Variants in BAIAP2 observed in about 807,000 individuals in gnomAD.
BAIAP2 encodes BAR/IMD domain containing adaptor protein 2, also known as BAR/IMD domain-containing adapter protein 2.
A neutral mutation model predicts 63.0 loss-of-function variants in BAIAP2; 18 were observed. The observed-to-expected ratio is 0.29, with a 90% CI of 0.20 to 0.42. BAIAP2 has a LOEUF of 0.42. BAIAP2 is among the 10% of genes least tolerant of loss of function. BAIAP2 has a pLI of 1.00. For missense variants in BAIAP2, 610 were observed against 734.3 expected (o/e 0.83, Z 1.96); for synonymous variants, 386 against 307.6 (o/e 1.25, Z -2.67).
chr17:81,089,161 TCTC>T (rs1301093677), intron 6 of BAIAP2, among the ~76,000 whole-genome samples: 3 of 152,238 alleles, frequency 2.0e-5, no homozygotes, highest in East Asian at 1.9e-4. Context: ...TGGAAGACCT[TCTC>T]CTTGCTGATG....
intron 1 of BAIAP2, among the ~76,000 whole-genome samples, chr17:81,045,521 G>A (rs72851899): frequency 0.022 from 3,322 of 150,342 alleles, 45 homozygotes; most frequent in Non-Finnish European, 0.029. Context: ...CCCTCCTGGC[G>A]GGAGGCCACC....
intron 1 of BAIAP2, among the ~76,000 whole-genome samples, chr17:81,044,958 C>T (rs1038477703): frequency 2.0e-5 from 3 of 152,160 alleles, no homozygotes; most frequent in African/African-American, 7.2e-5. Flanking sequence ...GGTGGCTGGA[C>T]ATTGGAAGGT....
Position 81,115,903 on chromosome 17 carries a change from G to C in BAIAP2, c.*64G>C. 1 of 1,601,586 alleles carries C rather than the reference G, an allele frequency of 6.2e-7. No individual in the cohort carries two copies. The highest frequency in any genetic ancestry group is 8.5e-7 in the Non-Finnish European group (1 of 1,174,564). ...CCGCCCTTCCCATGTAGCCTGTTCT[G>C]TCATCATCTGTGCGTTCCTGTGTAG... is the stretch of plus-strand genomic sequence containing the variant. On this transcript the variant is annotated 3_prime_UTR_variant, in exon 14 of 14. Coordinates refer to ENST00000428708, the MANE Select transcript of BAIAP2 (RefSeq NM_001144888.2).
chr17:81,107,706 G>A (rs1461226360), intron 12 of BAIAP2: 1 of 152,368 alleles, frequency 6.6e-6, no homozygotes, highest in African/African-American at 2.4e-5. Context: ...GTAGAGAGAA[G>A]AAGAGAACCC....
intron 1 of BAIAP2, among the ~76,000 whole-genome samples, chr17:81,048,506 A>G (rs1336722853): frequency 6.6e-6 from 1 of 151,312 alleles, no homozygotes; most frequent in Non-Finnish European, 1.5e-5. Flanking sequence ...CCAAGTTGGG[A>G]GGAGGTGGAG....
At chr17:81,052,755 C>T (rs1348448280) in intron 1 of BAIAP2, among the ~76,000 whole-genome samples, 1 of 152,162 alleles carries the variant, frequency 6.6e-6, no homozygotes, top group Non-Finnish European at 1.5e-5. Flanking sequence ...CCCTTCCCTC[C>T]CCACTCTCTA....
intron 7 of BAIAP2, among the ~76,000 whole-genome samples, chr17:81,101,852 C>T (rs1275588167): frequency 6.6e-6 from 1 of 152,246 alleles, no homozygotes; most frequent in African/African-American, 2.4e-5. Flanking sequence ...ACAGGCTGTG[C>T]TGCCACAGCT....
At chr17:81,084,260 C>T (rs758981931) in intron 3 of BAIAP2, among the ~76,000 whole-genome samples, 3 of 152,154 alleles carry the variant, frequency 2.0e-5, no homozygotes, top group Non-Finnish European at 4.4e-5. Flanking sequence ...CAGACCACCG[C>T]GCTCCTCTGG....
intron 13 of BAIAP2, among the ~76,000 whole-genome samples, chr17:81,112,531 C>T (rs1034099921): frequency 6.6e-6 from 1 of 152,242 alleles, no homozygotes; most frequent in South Asian, 2.1e-4. Flanking sequence ...GCGAGCGTCC[C>T]TGGCCGCTGT....
chr17:81,108,080 C>T, intron 12 of BAIAP2: 1 of 272,498 alleles, frequency 3.7e-6, no homozygotes, highest in Non-Finnish European at 7.0e-6. Flanking sequence ...GTCCTGGGTC[C>T]TACAAGCAGG....
intron 3 of BAIAP2, among the ~76,000 whole-genome samples, chr17:81,082,302 A>G (rs2054766829): frequency 6.6e-6 from 1 of 152,202 alleles, no homozygotes; most frequent in Non-Finnish European, 1.5e-5. Flanking sequence ...ATGCACGCAC[A>G]TATGTGCTCA....
rs922220997 is a variant in BAIAP2 at position 81,106,834 on chromosome 17, G to A, written c.1427G>A (p.Arg476Gln). 2.5e-6 allele frequency: 4 copies of A among 1,611,018 alleles called. No individual in the cohort carries two copies. Among genetic ancestry groups the A allele is most frequent in the Non-Finnish European group, 3.4e-6 (4 of 1,179,060 alleles). The change falls in exon 12 of 14, where the codon CGG becomes CAG. Residue 476 changes from arginine (R) to glutamine (Q), a missense_variant. By Grantham distance (43) the Arg-to-Gln change is conservative. This residue lies in a region of BAIAP2 where 114 missense variants were observed against 98.2 expected (regional missense o/e 1.16). Coordinates refer to ENST00000428708, the MANE Select transcript of BAIAP2 (RefSeq NM_001144888.2). ...IPPPDYGAAS[R>Q]AFPAQTASGF... ...CCCCCCGATTACGGCGCCGCCTCCCGGGCCTTCCCCGCCCAGACGGCCAGC... is the reference window on the plus strand; with the variant it reads ...CCCCCCGATTACGGCGCCGCCTCCCAGGCCTTCCCCGCCCAGACGGCCAGC...
rs184049842 is a variant in BAIAP2, at chr17:81,055,918, C to T, written c.131-1963C>T. On this transcript the variant is annotated intron_variant, in intron 2 of 13. Transcript: ENST00000428708. ...ATGCTTGGGCTGTGGCAGTGACCCC[C>T]GTCCCCCAGCCAGGAGCTTCTTGGA... 5.1e-3 allele frequency among the ~76,000 whole-genome samples: 773 copies of T among 152,212 alleles called. 5 individuals carry two copies. Among genetic ancestry groups the T allele is most frequent in the South Asian group, 8.7e-3 (42 of 4,820 alleles).
At chr17:81,111,068 G>A (rs1182632631) in intron 13 of BAIAP2, 2 of 1,364,080 alleles carry the variant, frequency 1.5e-6, no homozygotes, top group Non-Finnish European at 2.1e-6. Flanking sequence ...CTGCATGGCG[G>A]GGCCAGGGGT....
chr17:81,060,627 C>G (rs1420256969), intron 3 of BAIAP2, among the ~76,000 whole-genome samples: 2 of 152,206 alleles, frequency 1.3e-5, no homozygotes, highest in Non-Finnish European at 2.9e-5. Flanking sequence ...CTGTTTTCAT[C>G]TCTCCTGGGC....
At chr17:81,097,634 G>A (rs1241033495) in intron 6 of BAIAP2, 6 of 153,270 alleles carry the variant, frequency 3.9e-5, no homozygotes, top group Non-Finnish European at 7.3e-5. Context: ...CAATCCCGGT[G>A]GACGGGGGGT....
At chr17:81,109,256 G>A in intron 13 of BAIAP2, 1 of 1,351,640 alleles carries the variant, frequency 7.4e-7, no homozygotes, top group Non-Finnish European at 9.5e-7. Flanking sequence ...TGCCAGGCAG[G>A]ACCTGCTGGG....
chr17:81,085,601 T>C (rs746364836), intron 4 of BAIAP2, 53 bp from the exon 5 acceptor site: 1 of 1,491,988 alleles, frequency 6.7e-7, no homozygotes, highest in African/African-American at 1.4e-5. Context: ...TGCCTCCTGT[T>C]CCGGGTCCAT....
intron 6 of BAIAP2, among the ~76,000 whole-genome samples, chr17:81,099,348 C>A (rs186184907): frequency 6.6e-6 from 1 of 152,154 alleles, no homozygotes; most frequent in Admixed American, 6.5e-5. Flanking sequence ...GAGGTGCGCC[C>A]GGAGTCCCCT....
Sources: allele counts gnomAD v4.1 joint callset (sites outside exome capture counted in the v4.1 genomes callset), GRCh38; gene constraint gnomAD v4.1.1; regional missense constraint gnomAD v4.1.1; transcripts MANE v1.5; gene names NCBI Gene and HGNC (gene_info 2026-07-23, HGNC 2026-07-21).